CACNA2D3: variants seen among roughly 807,000 people sequenced by gnomAD.
CACNA2D3 encodes the protein calcium voltage-gated channel auxiliary subunit alpha2delta 3, also known as voltage-dependent calcium channel subunit alpha-2/delta-3.
Under a neutral mutation model 160.6 loss-of-function variants are expected in CACNA2D3, and 60 were observed. The ratio of observed to expected loss-of-function variants is 0.37; its 90% CI spans 0.30 to 0.46. The LOEUF is 0.46. CACNA2D3 is among the 20% of genes least tolerant of loss of function. CACNA2D3 has a pLI of 1.00. For missense variants in CACNA2D3, 1,205 were observed against 1,365.0 expected (o/e 0.88, Z 1.85); for synonymous variants, 558 against 492.9 (o/e 1.13, Z -1.75).
At chr3:54,258,519 A>T (rs1702343128) in intron 2 of CACNA2D3, among the ~76,000 whole-genome samples, 1 of 152,204 alleles carries the variant, frequency 6.6e-6, no homozygotes, top group South Asian at 2.1e-4. Flanking sequence ...TTCAAGTAAG[A>T]GTAAGGAAGG....
intron 2 of CACNA2D3, among the ~76,000 whole-genome samples, chr3:54,144,290 G>A (rs1367728458): frequency 1.3e-5 from 2 of 152,166 alleles, no homozygotes; most frequent in East Asian, 1.9e-4. Flanking sequence ...CCAGTGTGGA[G>A]CATGAAGGTT....
At chr3:54,808,548 G>A (rs1422635378) in intron 13 of CACNA2D3, among the ~76,000 whole-genome samples, 1 of 152,202 alleles carries the variant, frequency 6.6e-6, no homozygotes, top group African/African-American at 2.4e-5. Flanking sequence ...GCCAGTTGCT[G>A]TGGCCGAGGG....
At chr3:54,962,539 C>T (rs1485627651) in intron 27 of CACNA2D3, among the ~76,000 whole-genome samples, 1 of 152,218 alleles carries the variant, frequency 6.6e-6, no homozygotes. Flanking sequence ...TTTATTTACT[C>T]TCACTGATTT....
intron 5 of CACNA2D3, among the ~76,000 whole-genome samples, chr3:54,529,918 G>C (rs1701781613): frequency 6.6e-6 from 1 of 152,182 alleles, no homozygotes; most frequent in Non-Finnish European, 1.5e-5. Context: ...GAGGTGGGCA[G>C]GCAGACAGCT....
intron 11 of CACNA2D3, among the ~76,000 whole-genome samples, chr3:54,692,533 T>C (rs1431311093): frequency 6.6e-6 from 1 of 152,120 alleles, no homozygotes; most frequent in Non-Finnish European, 1.5e-5. Context: ...TTCTTTTCTA[T>C]TCTTTTCTTT....
chr3:54,448,082 ACTT>A (rs1413255546), intron 4 of CACNA2D3, among the ~76,000 whole-genome samples: 4 of 152,116 alleles, frequency 2.6e-5, no homozygotes, highest in African/African-American at 9.7e-5. Context: ...CCAGAATCCT[ACTT>A]TTCTGCATCC....
At chr3:55,034,353 C>T (rs1703767392) in intron 35 of CACNA2D3, among the ~76,000 whole-genome samples, 2 of 151,330 alleles carry the variant, frequency 1.3e-5, no homozygotes, top group African/African-American at 4.9e-5. Context: ...CTCTGTGTGC[C>T]GTCTAATTAT....
At chr3:54,133,060 G>C (rs66833762) in intron 2 of CACNA2D3, among the ~76,000 whole-genome samples, 16 of 151,960 alleles carry the variant, frequency 1.1e-4, no homozygotes, top group African/African-American at 3.9e-4. Flanking sequence ...AAAGACAGTA[G>C]TTTGTCCACT....
chr3:54,522,649 G>C (rs1229777369), intron 5 of CACNA2D3, among the ~76,000 whole-genome samples: 2 of 152,152 alleles, frequency 1.3e-5, no homozygotes, highest in African/African-American at 2.4e-5. Context: ...AAGGGACTTT[G>C]GGCTGCATCA....
intron 4 of CACNA2D3, among the ~76,000 whole-genome samples, chr3:54,459,624 T>C (rs1199219659): frequency 3.9e-5 from 6 of 152,010 alleles, no homozygotes; most frequent in African/African-American, 1.4e-4. Context: ...GGGTTGTTTG[T>C]TTTTTTCTTG....
At chr3:54,314,702 T>C (rs76628885) in intron 2 of CACNA2D3, among the ~76,000 whole-genome samples, 2,781 of 152,372 alleles carry the variant, frequency 0.018, 93 homozygotes, top group African/African-American at 0.063. Context: ...TATGTGTATA[T>C]CTTCTTTTGA....
intron 16 of CACNA2D3, among the ~76,000 whole-genome samples, chr3:54,845,991 G>A (rs554938238): frequency 6.6e-6 from 1 of 152,296 alleles, no homozygotes; most frequent in East Asian, 1.9e-4. Flanking sequence ...AGGCAGCGTG[G>A]GGACCCCTCT....
At chr3:54,717,809 C>T (rs1701088847) in intron 11 of CACNA2D3, among the ~76,000 whole-genome samples, 1 of 107,342 alleles carries the variant, frequency 9.3e-6, no homozygotes, top group Admixed American at 1.1e-4. Flanking sequence ...CGTGTGTGCG[C>T]ATGTTTGCGT....
intron 14 of CACNA2D3, among the ~76,000 whole-genome samples, chr3:54,833,174 A>G (rs981566144): frequency 1.3e-5 from 2 of 152,232 alleles, no homozygotes; most frequent in African/African-American, 4.8e-5. Context: ...ATTTCCTTTG[A>G]TACCCAAATG....
At chr3:54,925,324 CT>C (rs1700984215) in intron 27 of CACNA2D3, 6 of 848,654 alleles carry the variant, frequency 7.1e-6, no homozygotes, top group Non-Finnish European at 1.1e-5. Context: ...CAGGTGAAAC[CT>C]TCTACAACCT....
chr3:54,885,269 C>T lies in CACNA2D3; in HGVS notation c.1913-12C>T, dbSNP rs1699895630. On this transcript the variant is annotated splice_polypyrimidine_tract_variant and intron_variant, in intron 21 of 37. Coordinates refer to ENST00000474759, the MANE Select transcript of CACNA2D3 (RefSeq NM_018398.3). The stretch of plus-strand genomic sequence containing the variant: ...GATACTTATTCATGAACCCCTTCTC[C>T]TTGACCCCCAGGCCTGCATGACTTA... The T allele has an allele frequency of 6.2e-7, 1 of 1,613,664 alleles. No homozygotes were observed. Among genetic ancestry groups the T allele is most frequent in the Admixed American group, 1.7e-5 (1 of 60,000 alleles).
intron 30 of CACNA2D3, among the ~76,000 whole-genome samples, chr3:54,985,980 G>A (rs576682799): frequency 6.6e-6 from 1 of 152,280 alleles, no homozygotes; most frequent in African/African-American, 2.4e-5. Flanking sequence ...ATGAAACAAG[G>A]CCAGTCCCTG....
chr3:54,889,317 T>C (rs1209041189), intron 24 of CACNA2D3, among the ~76,000 whole-genome samples: 1 of 152,208 alleles, frequency 6.6e-6, no homozygotes, highest in Non-Finnish European at 1.5e-5. Flanking sequence ...TCTCTATTGC[T>C]GTGTGGAGAA....
chr3:54,433,689 G>T (rs1164780505), intron 4 of CACNA2D3, among the ~76,000 whole-genome samples: 1 of 152,210 alleles, frequency 6.6e-6, no homozygotes, highest in African/African-American at 2.4e-5. Context: ...GAGCATGGCT[G>T]TGGGTCCTCT....
Sources: gnomAD v4.1 joint callset for allele counts (sites outside exome capture counted in the v4.1 genomes callset) on GRCh38, gnomAD v4.1.1 for gene constraint, MANE v1.5 for transcripts, NCBI Gene and HGNC (gene_info 2026-07-23, HGNC 2026-07-21) for gene names.